TCEA3: variants seen among roughly 807,000 people sequenced by gnomAD.
TCEA3 encodes the protein transcription elongation factor A3, also known as transcription elongation factor A protein 3.
Under a neutral mutation model 44.0 loss-of-function variants are expected in TCEA3, and 36 were observed. That is an observed-to-expected ratio of 0.82 (90% CI 0.63 to 1.08). The LOEUF (loss-of-function observed/expected upper bound fraction) is 1.08. Ranked by LOEUF, TCEA3 falls within the 50% of genes least tolerant of loss-of-function variation. The pLI is 0.00. For missense variants in TCEA3, 392 were observed against 441.2 expected, an observed-to-expected ratio of 0.89 and a Z score of 1.00; for synonymous variants, 162 against 159.7, an observed-to-expected ratio of 1.01 and a Z score of -0.11.
chr1:23,413,298 G>C (rs759006809), intron 4 of TCEA3, among the ~76,000 whole-genome samples: 1 of 150,312 alleles, frequency 6.7e-6, no homozygotes, highest in Non-Finnish European at 1.5e-5. Context: ...CACCACGCCC[G>C]GCTAATTTTT....
At position 23,384,418 on chromosome 1, in the gene TCEA3, C is replaced by G; in HGVS notation, c.967-1G>C. 2 of 1,612,424 alleles carry G rather than the reference C, an allele frequency of 1.2e-6. No homozygotes were observed. Among genetic ancestry groups the G allele is most frequent in the South Asian group, 2.2e-5 (2 of 90,574 alleles). On this transcript the variant is annotated splice_acceptor_variant, in intron 9 of 10. Transcript: ENST00000450454. LOFTEE classifies it high-confidence loss of function. ...GCTCATCAGCACTGCGTGTCTGCACCTGAGAGAGAGAAGAACCACTCATGA... is the reference window on the plus strand; with the variant it reads ...GCTCATCAGCACTGCGTGTCTGCACGTGAGAGAGAGAAGAACCACTCATGA...
At chr1:23,385,353 C>A (rs1384354904) in intron 9 of TCEA3, among the ~76,000 whole-genome samples, 2 of 152,222 alleles carry the variant, frequency 1.3e-5, no homozygotes, top group African/African-American at 4.8e-5. Flanking sequence ...CAGCTTAGCG[C>A]AGCCTGGTCA....
chr1:23,399,702 C>T (rs369200616), intron 5 of TCEA3, among the ~76,000 whole-genome samples: 1 of 147,014 alleles, frequency 6.8e-6, no homozygotes, highest in African/African-American at 2.5e-5. Context: ...GTGTCTCACT[C>T]TGTCATCCAG....
intron 7 of TCEA3, among the ~76,000 whole-genome samples, chr1:23,394,434 A>G (rs1233768882): frequency 6.6e-6 from 1 of 152,166 alleles, no homozygotes; most frequent in African/African-American, 2.4e-5. Flanking sequence ...GGATATATCA[A>G]ATGCTCAACA....
intron 7 of TCEA3, 53 bp downstream of exon 7, chr1:23,397,492 G>A (rs1639250792): frequency 6.5e-7 from 1 of 1,550,086 alleles, no homozygotes; most frequent in Admixed American, 1.8e-5. Flanking sequence ...CACCTTGGAT[G>A]GGTGCTGCTA....
Position 23,397,547 on chromosome 1 carries a change from T to A in TCEA3, c.662A>T (p.Asp221Val), listed in dbSNP as rs1639252947. The change falls in exon 7 of 11, where the codon GAT becomes GTT. Residue 221 changes from aspartate to valine, a missense_variant and splice_region_variant. Physicochemically the swap from Asp to Val is radical, Grantham distance 152. Transcript: ENST00000450454. ...NCDKMASEIE[D>V]HIYQELKSTD... The stretch of plus-strand genomic sequence containing the variant: ...GCCCCGGCACAGTTCAAGGATATGA[T>A]CTTCGATTTCTGATGCCATCTTGTC... 2 of 1,613,658 alleles carry A rather than the reference T, an allele frequency of 1.2e-6. No homozygotes were observed. Among genetic ancestry groups the A allele is most frequent in the Non-Finnish European group, 1.7e-6 (2 of 1,179,850 alleles).
Position 23,381,494 on chromosome 1 carries a change from A to T in TCEA3, c.1039-20T>A. Reference sequence around the variant, plus strand: ...GCAGAACTACAAAACCAGAAAGGCAACAAAATTTGAAAGGTTTCTCGGCAT... The same window carrying T: ...GCAGAACTACAAAACCAGAAAGGCATCAAAATTTGAAAGGTTTCTCGGCAT... On this transcript the variant is annotated intron_variant, in intron 10 of 10. Transcript: ENST00000450454. 2.6e-6 allele frequency: 2 copies of T among 780,844 alleles called. No homozygotes were observed. Among genetic ancestry groups the T allele is most frequent in the Non-Finnish European group, 4.8e-6 (2 of 417,970 alleles). 48.4% of individuals were successfully genotyped at this position (780,844 alleles called of 1,614,324 possible).
chr1:23,387,160 G>A, intron 9 of TCEA3, 113 bp downstream of exon 9: 3 of 1,377,504 alleles, frequency 2.2e-6, no homozygotes, highest in Non-Finnish European at 9.7e-7. Context: ...GCAAAGCCTA[G>A]AGAGTTTTAA....
In TCEA3 at chr1:23,407,144, GA is replaced by G. The variant is rs1412804059; in HGVS notation, c.443+1519del. Among the ~76,000 whole-genome samples the G allele has an allele frequency of 5.9e-5, 9 of 152,278 alleles. No individual in the cohort carries two copies. The East Asian group carries it at 1.7e-3, about 29-fold the overall frequency. On this transcript the variant is annotated intron_variant, in intron 5 of 10. Coordinates refer to ENST00000450454, the MANE Select transcript of TCEA3 (RefSeq NM_003196.3). ...ACTCCATCCTTGCAGATGCTCAAGT[GA>G]AAAATCTTGGACTCATCCCTGACTC...
chr1:23,403,331 T>C (rs1287857916), intron 5 of TCEA3: 1 of 152,240 alleles, frequency 6.6e-6, no homozygotes, highest in Non-Finnish European at 1.5e-5. Context: ...TATGTGACCT[T>C]GGGTGAGTTC....
intron 7 of TCEA3, among the ~76,000 whole-genome samples, chr1:23,395,003 A>G (rs550888605): frequency 1.6e-4 from 25 of 152,372 alleles, no homozygotes; most frequent in African/African-American, 6.0e-4. Flanking sequence ...GAAGATCAGG[A>G]AGACAAAGCT....
chr1:23,392,454 A>C (rs866309445), intron 8 of TCEA3, among the ~76,000 whole-genome samples: 5 of 137,706 alleles, frequency 3.6e-5, no homozygotes, highest in East Asian at 2.3e-4. Flanking sequence ...CAATACACAC[A>C]CACTCCACAC....
intron 2 of TCEA3, 67 bp from the exon 3 acceptor site, chr1:23,418,076 A>AG: frequency 6.6e-7 from 1 of 1,505,168 alleles, no homozygotes; most frequent in Non-Finnish European, 9.2e-7. Context: ...CATCATTGGC[A>AG]GATCCTGCCC....
chr1:23,399,399 T>C (rs1430974489), intron 5 of TCEA3, among the ~76,000 whole-genome samples: 2 of 151,826 alleles, frequency 1.3e-5, no homozygotes, highest in African/African-American at 4.8e-5. Context: ...TCTCTTCTCA[T>C]AGGGACACTA....
At chr1:23,383,780 CTTTG>C (rs1638740570) in intron 10 of TCEA3, 8 of 985,704 alleles carry the variant, frequency 8.1e-6, no homozygotes, top group Admixed American at 6.1e-5. Context: ...TGGGAGGAGT[CTTTG>C]TTTGGCTCCC....
Position 23,380,977 on chromosome 1 carries a change from G to T in TCEA3, c.*489C>A. ...TGTTGATCTGGCATTTTTCAATTTG[G>T]AAAAGGCTGGGAGATCCAGATGGGA... On this transcript the variant is annotated 3_prime_UTR_variant, in exon 11 of 11. Coordinates refer to ENST00000450454, the MANE Select transcript of TCEA3 (RefSeq NM_003196.3). 6.5e-6 allele frequency: 1 copy of T among 154,650 alleles called. No homozygotes were observed. The highest frequency in any genetic ancestry group is 1.4e-5 in the Non-Finnish European group (1 of 69,618). 9.6% of individuals were successfully genotyped at this position (154,650 alleles called of 1,614,324 possible).
chr1:23,386,537 C>T (rs1391813707), intron 9 of TCEA3, among the ~76,000 whole-genome samples: 2 of 150,398 alleles, frequency 1.3e-5, no homozygotes, highest in African/African-American at 4.9e-5. Flanking sequence ...TGAGCTGGCC[C>T]AGCCTAGAGA....
intron 5 of TCEA3, chr1:23,404,211 A>T: frequency 1.4e-6 from 1 of 701,992 alleles, no homozygotes; most frequent in Admixed American, 2.0e-5. Context: ...AACTGAGAAC[A>T]GTCAACTTTC....
intron 8 of TCEA3, 28 bp downstream of exon 8, chr1:23,393,851 C>T (rs1441030623): frequency 1.2e-6 from 2 of 1,607,310 alleles, no homozygotes; most frequent in East Asian, 2.2e-5. Context: ...TGGCTTCCTG[C>T]CTCACCATGC....
Sources: gnomAD v4.1 joint callset for allele counts (sites outside exome capture counted in the v4.1 genomes callset) on GRCh38, gnomAD v4.1.1 for gene constraint, MANE v1.5 for transcripts, NCBI Gene and HGNC (gene_info 2026-07-23, HGNC 2026-07-21) for gene names.